Variants in DPP6 observed in about 807,000 individuals in gnomAD.
The protein encoded by DPP6 is A-type potassium channel modulatory protein DPP6.
DPP6 carries 69 observed loss-of-function variants against 122.6 expected under a neutral mutation model. The observed-to-expected ratio is 0.56, with a 90% confidence interval of 0.46 to 0.69. The LOEUF (loss-of-function observed/expected upper bound fraction) is 0.69, where lower values mean the gene tolerates loss of function less well. DPP6 is among the 30% of genes least tolerant of loss of function. The probability of loss-of-function intolerance (pLI) is 0.00; values close to 1 mark genes in which losing one functional copy is unlikely to be tolerated. For missense variants in DPP6, 928 were observed against 1,116.9 expected (o/e 0.83, Z 2.41); for synonymous variants, 418 against 433.1 (o/e 0.97, Z 0.43).
At chr7:153,771,760 A>C in the DPP6 span, among the ~76,000 whole-genome samples, 1 of 152,338 alleles carries the variant, frequency 6.6e-6, no homozygotes, top group South Asian at 2.1e-4. Flanking sequence ...AAAAAGTGAG[A>C]AAATGTATTG....
At chr7:154,337,514 C>T (rs1212766449) in intron 1 of DPP6, among the ~76,000 whole-genome samples, 1 of 152,202 alleles carries the variant, frequency 6.6e-6, no homozygotes, top group Non-Finnish European at 1.5e-5. Flanking sequence ...AGATACATCC[C>T]TACCGGACTC....
intron 19 of DPP6, among the ~76,000 whole-genome samples, chr7:154,874,976 T>C (rs1011278233): frequency 4.6e-5 from 7 of 152,196 alleles, no homozygotes; most frequent in African/African-American, 1.7e-4. Flanking sequence ...GGCACATGCC[T>C]GTGGTCTCAG....
intron 16 of DPP6, among the ~76,000 whole-genome samples, chr7:154,840,804 C>T (rs190200584): frequency 6.6e-6 from 1 of 152,124 alleles, no homozygotes; most frequent in Admixed American, 6.5e-5. Flanking sequence ...AGGTAGCTGG[C>T]GATTTAGAGG....
intron 1 of DPP6, among the ~76,000 whole-genome samples, chr7:153,964,141 A>AC (rs1230248258): frequency 6.6e-6 from 1 of 151,642 alleles, no homozygotes; most frequent in Non-Finnish European, 1.5e-5. Flanking sequence ...GATTGCAGAC[A>AC]CCCCCCACCA....
intron 1 of DPP6, among the ~76,000 whole-genome samples, chr7:153,918,565 AGTCTCTCTCTCTCTCTCTCTCTCTCT>A (rs1300264188): frequency 0.015 from 850 of 57,642 alleles, 6 homozygotes; most frequent in Admixed American, 0.021. Flanking sequence ...ACACACACAC[AGTCTCTCTCTCTCTCTCTCTCTCTCT>A]CTCTCTCTCT....
At chr7:154,328,941 A>G (rs1808678174) in intron 1 of DPP6, among the ~76,000 whole-genome samples, 1 of 152,226 alleles carries the variant, frequency 6.6e-6, no homozygotes, top group African/African-American at 2.4e-5. Context: ...CTCATCAGCC[A>G]GGGTTGTTTA....
At chr7:153,761,622 C>G in the DPP6 span, among the ~76,000 whole-genome samples, 3 of 151,958 alleles carry the variant, frequency 2.0e-5, no homozygotes, top group Non-Finnish European at 4.4e-5. Context: ...TACACAGTTA[C>G]GTGTGTATCA....
chr7:154,225,171 A>G (rs1800522034), intron 1 of DPP6, among the ~76,000 whole-genome samples: 2 of 152,108 alleles, frequency 1.3e-5, no homozygotes, highest in African/African-American at 4.8e-5. Context: ...ATAAAAATAA[A>G]TAAATAAAAA....
At chr7:153,811,913 C>T in the DPP6 span, among the ~76,000 whole-genome samples, 6 of 152,082 alleles carry the variant, frequency 3.9e-5, no homozygotes, top group South Asian at 6.3e-4. Flanking sequence ...TTTGAATGAG[C>T]GTGCTGACTG....
intron 1 of DPP6, among the ~76,000 whole-genome samples, chr7:154,171,841 A>G (rs1797548257): frequency 1.3e-5 from 2 of 152,212 alleles, no homozygotes; most frequent in South Asian, 4.1e-4. Flanking sequence ...ACCATTCCAT[A>G]TGTATAATTA....
At chr7:153,803,520 C>T in the DPP6 span, among the ~76,000 whole-genome samples, 3 of 152,052 alleles carry the variant, frequency 2.0e-5, no homozygotes, top group South Asian at 2.1e-4. Flanking sequence ...CTCGGATTCA[C>T]GCCACTGTCT....
the DPP6 span, among the ~76,000 whole-genome samples, chr7:153,873,559 A>G: frequency 6.6e-6 from 1 of 152,178 alleles, no homozygotes; most frequent in Non-Finnish European, 1.5e-5. Flanking sequence ...AAATAATACA[A>G]AATAGAATTA....
intron 1 of DPP6, among the ~76,000 whole-genome samples, chr7:154,250,555 G>A (rs1328161952): frequency 6.6e-6 from 1 of 152,118 alleles, no homozygotes; most frequent in African/African-American, 2.4e-5. Context: ...CTGATCCTGT[G>A]TAGGAACTGT....
chr7:154,828,282 T>C (rs766880620), intron 16 of DPP6, among the ~76,000 whole-genome samples: 1 of 152,182 alleles, frequency 6.6e-6, no homozygotes, highest in African/African-American at 2.4e-5. Flanking sequence ...TGCCCTGTAC[T>C]TGCAGCTTTC....
chr7:154,015,699 T>A (rs979279308), intron 1 of DPP6, among the ~76,000 whole-genome samples: 1 of 152,022 alleles, frequency 6.6e-6, no homozygotes, highest in Non-Finnish European at 1.5e-5. Context: ...CTCCAAAATA[T>A]ACCCCTAATC....
At chr7:154,588,036 A>G in intron 5 of DPP6, 1 of 1,611,752 alleles carries the variant, frequency 6.2e-7, no homozygotes, top group Middle Eastern at 1.7e-4. Flanking sequence ...CCCCGGGGAT[A>G]ATGCACAGCA....
intron 1 of DPP6, among the ~76,000 whole-genome samples, chr7:154,231,232 T>C (rs1800900469): frequency 1.3e-5 from 2 of 152,164 alleles, no homozygotes; most frequent in Admixed American, 1.3e-4. Flanking sequence ...GTCTTTGACA[T>C]GGATAGAGAT....
intron 1 of DPP6, among the ~76,000 whole-genome samples, chr7:154,063,493 C>T (rs1178709627): frequency 7.6e-6 from 1 of 131,366 alleles, no homozygotes; most frequent in Non-Finnish European, 1.7e-5. Flanking sequence ...CCTCTTCCCC[C>T]CCTGGCTCTT....
intron 1 of DPP6, among the ~76,000 whole-genome samples, chr7:154,027,587 A>G (rs371490228): frequency 6.6e-6 from 1 of 152,228 alleles, no homozygotes; most frequent in South Asian, 2.1e-4. Context: ...CCATCGCTTC[A>G]GGGGAAAAAT....
Sources: allele counts gnomAD v4.1 joint callset (sites outside exome capture counted in the v4.1 genomes callset), GRCh38; gene constraint gnomAD v4.1.1; transcripts MANE v1.5; gene names NCBI Gene and HGNC (gene_info 2026-07-23, HGNC 2026-07-21).